The following ERC1 variants were observed in gnomAD, a reference collection of about 807,000 sequenced individuals.
The protein encoded by ERC1 is RAB6 interacting protein 2.
In ERC1, 56 loss-of-function variants were observed where a neutral mutation model predicts 132.0. The observed-to-expected ratio is 0.42, with a 90% confidence interval of 0.34 to 0.53. ERC1 has a LOEUF of 0.53. Among genes scored for constraint, ERC1 ranks in the 20% least tolerant of loss-of-function variants. The pLI is 0.03. For synonymous variants in ERC1, 478 were observed against 476.1 expected (o/e 1.00, Z -0.05); for missense variants, 1,202 against 1,349.9 (o/e 0.89, Z 1.72).
intron 7 of ERC1, among the ~76,000 whole-genome samples, chr12:1,134,371 G>A (rs1949052559): frequency 6.8e-6 from 1 of 147,968 alleles, no homozygotes; most frequent in Admixed American, 6.7e-5. Flanking sequence ...TAAAGATACA[G>A]TGTCTTGCTT....
chr12:1,119,550 TGTGTGTGTGTGTGTGTGTGA>T (rs1330812237), intron 7 of ERC1, among the ~76,000 whole-genome samples: 1,396 of 105,906 alleles, frequency 0.013, 42 homozygotes, highest in African/African-American at 0.038. Context: ...TGTGTGTGTG[TGTGTGTGTGTGTGTGTGTGA>T]GATGGAGTTT....
intron 2 of ERC1, among the ~76,000 whole-genome samples, chr12:1,029,075 C>T (rs180779190): frequency 6.6e-6 from 1 of 152,064 alleles, no homozygotes; most frequent in Non-Finnish European, 1.5e-5. Flanking sequence ...TTAATGTTGG[C>T]CGGGTGCAAT....
intron 12 of ERC1, among the ~76,000 whole-genome samples, chr12:1,205,105 T>C (rs1223337423): frequency 6.6e-6 from 1 of 152,188 alleles, no homozygotes; most frequent in African/African-American, 2.4e-5. Flanking sequence ...TTAGCAACTA[T>C]GAAGAGAGAT....
At chr12:1,387,959 A>C (rs1460863894) in intron 16 of ERC1, among the ~76,000 whole-genome samples, 1 of 152,252 alleles carries the variant, frequency 6.6e-6, no homozygotes, top group Admixed American at 6.5e-5. Flanking sequence ...ATCTCTGCTT[A>C]ATCACTAGCA....
chr12:1,401,660 A>G (rs937647091), intron 16 of ERC1, among the ~76,000 whole-genome samples: 8 of 152,008 alleles, frequency 5.3e-5, no homozygotes, highest in Admixed American at 5.2e-4. Context: ...TGAGGATTAA[A>G]TTACCTAAAG....
intron 17 of ERC1, among the ~76,000 whole-genome samples, chr12:1,439,332 A>G (rs1051583694): frequency 2.6e-5 from 4 of 152,244 alleles, no homozygotes; most frequent in Non-Finnish European, 5.9e-5. Context: ...ACCATCAGTT[A>G]TCCAACCTCA....
chr12:1,163,877 G>A, intron 8 of ERC1, among the ~76,000 whole-genome samples: 1 of 152,022 alleles, frequency 6.6e-6, no homozygotes, highest in East Asian at 1.9e-4. Flanking sequence ...CACCACACCT[G>A]GCTAATTTTT....
In ERC1 at chr12:1,029,268, C is replaced by T. The variant is rs534905518; in HGVS notation, c.669+696C>T. 3.9e-3 allele frequency among the ~76,000 whole-genome samples: 599 copies of T among 152,150 alleles called. 3 individuals are homozygous for T. The highest frequency in any genetic ancestry group is 7.3e-3 in the Non-Finnish European group (495 of 67,974). The stretch of plus-strand genomic sequence containing the variant: ...TAAGGAGGCTGAGGCAGGAGAATCA[C>T]GTAAACCTGGGAGGCGGAGGTTGCA... On this transcript the variant is annotated intron_variant, in intron 2 of 18. Coordinates refer to ENST00000360905, the MANE Select transcript of ERC1 (RefSeq NM_178040.4).
intron 17 of ERC1, 39 bp from the exon 18 acceptor site, chr12:1,444,522 TC>T (rs754522231): frequency 9.8e-6 from 14 of 1,426,272 alleles, no homozygotes; most frequent in Non-Finnish European, 1.2e-5. Context: ...ACCTTGACTT[TC>T]CTCATTTTAT....
intron 3 of ERC1, among the ~76,000 whole-genome samples, chr12:1,099,934 A>G (rs1043010563): frequency 7.8e-6 from 1 of 127,428 alleles, no homozygotes; most frequent in Non-Finnish European, 1.6e-5. Flanking sequence ...TGCAACCTCC[A>G]CCTCCTGGGT....
At chr12:1,064,413 G>C (rs1938678814) in intron 2 of ERC1, among the ~76,000 whole-genome samples, 1 of 151,866 alleles carries the variant, frequency 6.6e-6, no homozygotes, top group Admixed American at 6.6e-5. Context: ...ATTATTTTTA[G>C]AGATAGGGTC....
chr12:1,138,394 A>G (rs957253409), intron 7 of ERC1, among the ~76,000 whole-genome samples: 1 of 143,922 alleles, frequency 6.9e-6, no homozygotes, highest in East Asian at 2.0e-4. Flanking sequence ...GTAATACATA[A>G]TATATGTTAT....
chr12:1,094,054 T>A (rs562494862), intron 3 of ERC1, among the ~76,000 whole-genome samples: 106 of 147,750 alleles, frequency 7.2e-4, no homozygotes, highest in African/African-American at 2.6e-3. Flanking sequence ...AGTGTGGCTC[T>A]GTCGCCCAGG....
intron 12 of ERC1, among the ~76,000 whole-genome samples, chr12:1,223,827 G>A (rs1479120409): frequency 2.6e-5 from 4 of 152,064 alleles, no homozygotes; most frequent in Admixed American, 1.3e-4. Context: ...AAACATCTAT[G>A]TTCACTATGA....
At chr12:1,335,446 T>G (rs573089493) in intron 15 of ERC1, among the ~76,000 whole-genome samples, 1 of 152,348 alleles carries the variant, frequency 6.6e-6, no homozygotes, top group East Asian at 1.9e-4. Flanking sequence ...GAAGCAATGT[T>G]GAATTTTATC....
At chr12:1,052,619 A>G (rs1218941951) in intron 2 of ERC1, among the ~76,000 whole-genome samples, 1 of 152,226 alleles carries the variant, frequency 6.6e-6, no homozygotes, top group Non-Finnish European at 1.5e-5. Context: ...AAAACAGTAC[A>G]GTCTAGATTG....
chr12:1,041,726 A>G (rs1042121499), intron 2 of ERC1, among the ~76,000 whole-genome samples: 2 of 152,190 alleles, frequency 1.3e-5, no homozygotes, highest in Non-Finnish European at 1.5e-5. Flanking sequence ...AGGAAGTTAC[A>G]CTGTTCTTTA....
At chr12:1,336,836 T>G (rs2083357726) in intron 15 of ERC1, among the ~76,000 whole-genome samples, 1 of 151,966 alleles carries the variant, frequency 6.6e-6, no homozygotes, top group Non-Finnish European at 1.5e-5. Context: ...CTTGCTCCAT[T>G]GCCCAGGCTG....
chr12:995,501 T>G (rs1225416736), intron 1 of ERC1, among the ~76,000 whole-genome samples: 1 of 152,104 alleles, frequency 6.6e-6, no homozygotes, highest in African/African-American at 2.4e-5. Context: ...GTAACTGAAT[T>G]GGAGATGGTA....
Sources: allele counts gnomAD v4.1 joint callset (sites outside exome capture counted in the v4.1 genomes callset), GRCh38; gene constraint gnomAD v4.1.1; transcripts MANE v1.5; gene names NCBI Gene and HGNC (gene_info 2026-07-23, HGNC 2026-07-21).